Variants in PHC3 observed in about 807,000 individuals in gnomAD.
PHC3 encodes polyhomeotic-like protein 3.
PHC3 carries 13 observed loss-of-function variants against 107.4 expected under a neutral mutation model. The observed-to-expected ratio is 0.12, with a 90% CI of 0.08 to 0.19. The LOEUF (loss-of-function observed/expected upper bound fraction) is 0.19. PHC3 is among the 10% of genes least tolerant of loss of function. The pLI is 1.00. For missense variants in PHC3, 992 were observed against 1,210.9 expected (o/e 0.82, Z 2.68); for synonymous variants, 456 against 427.4 (o/e 1.07, Z -0.83).
intron 4 of PHC3, chr3:170,170,364 C>CA (rs1729402567): frequency 1.3e-5 from 2 of 149,726 alleles, no homozygotes; most frequent in East Asian, 3.9e-4. Context: ...AGAAAGACCA[C>CA]AAGCTGCCGG....
intron 6 of PHC3, among the ~76,000 whole-genome samples, chr3:170,143,198 AATC>A (rs2108549473): frequency 6.6e-6 from 1 of 152,290 alleles, no homozygotes; most frequent in East Asian, 1.9e-4. Flanking sequence ...TAACTAAATA[AATC>A]AATCAATTAA....
intron 4 of PHC3, among the ~76,000 whole-genome samples, chr3:170,163,642 C>T (rs1452035706): frequency 6.6e-6 from 1 of 151,976 alleles, no homozygotes; most frequent in African/African-American, 2.4e-5. Flanking sequence ...GCAGGCTGAT[C>T]ACCTGAGGTC....
intron 1 of PHC3, among the ~76,000 whole-genome samples, chr3:170,179,215 G>A (rs1466890990): frequency 6.6e-6 from 1 of 152,066 alleles, no homozygotes; most frequent in Non-Finnish European, 1.5e-5. Context: ...TTGCATTACC[G>A]AAAGATTTTT....
chr3:170,134,160 T>G (rs527949390), intron 7 of PHC3, among the ~76,000 whole-genome samples: 5 of 151,052 alleles, frequency 3.3e-5, no homozygotes, highest in Non-Finnish European at 5.9e-5. Flanking sequence ...AAAAAAAAAA[T>G]AAGAATTCGT....
intron 8 of PHC3, among the ~76,000 whole-genome samples, chr3:170,126,521 T>C (rs1311361273): frequency 6.1e-5 from 5 of 81,362 alleles, no homozygotes; most frequent in Non-Finnish European, 1.2e-4. Context: ...TATATATATA[T>C]ATATATATTT....
At position 170,102,824 on chromosome 3, in the gene PHC3, G is replaced by A. The variant is rs537716428; in HGVS notation, c.2579C>T (p.Ala860Val). 45 of 1,613,832 alleles carry A rather than the reference G, an allele frequency of 2.8e-5. No homozygotes were observed. Among genetic ancestry groups the A allele is most frequent in the African/African-American group, 2.7e-4 (20 of 75,020 alleles). The change falls in exon 13 of 15, where the codon GCG becomes GTG. Residue 860 changes from alanine (A) to valine (V), a missense_variant. By Grantham distance (64) the Ala-to-Val change is moderately conservative (BLOSUM62 0). Coordinates refer to ENST00000495893, the MANE Select transcript of PHC3 (RefSeq NM_024947.4). ...GACCTGCCTAAGGATATGTTCTCTCGCTGCCCCATCAGGGCCACTTGGACG... is the reference window on the plus strand; with the variant it reads ...GACCTGCCTAAGGATATGTTCTCTCACTGCCCCATCAGGGCCACTTGGACG... ...GRRPSGPDGA[A>V]REHILRQLPI...
intron 9 of PHC3, among the ~76,000 whole-genome samples, chr3:170,120,977 G>A (rs1720173425): frequency 6.6e-6 from 1 of 152,204 alleles, no homozygotes; most frequent in African/African-American, 2.4e-5. Flanking sequence ...AATGGCTGTA[G>A]AGTTTCTATG....
At chr3:170,113,000 GCTAA>G (rs1718137986) in intron 11 of PHC3, among the ~76,000 whole-genome samples, 1 of 152,086 alleles carries the variant, frequency 6.6e-6, no homozygotes. Flanking sequence ...AAAATTTTAA[GCTAA>G]CTCACTAAAA....
Position 170,102,656 on chromosome 3 carries a change from C to T in PHC3, c.2656G>A (p.Val886Met), listed in dbSNP as rs753765362. The T allele has an allele frequency of 2.5e-6, 4 of 1,613,932 alleles. No individual in the cohort carries two copies. The highest frequency in any genetic ancestry group is 2.5e-6 in the Non-Finnish European group (3 of 1,179,862). Reference sequence around the variant, plus strand: ...AGACGAGTTGTCATAGCAGATGGCACAGAATCTTCATGAGAAGCCAAGTCT... The same window carrying T: ...AGACGAGTTGTCATAGCAGATGGCATAGAATCTTCATGAGAAGCCAAGTCT... ...EEDLASHEDS[V>M]PSAMTTRLRR... Residue 886 changes from valine to methionine, a missense_variant, in exon 14 of 15, where the codon GTG becomes ATG. Val to Met is a conservative substitution (Grantham distance 21). Transcript: ENST00000495893.
chr3:170,133,912 T>C (rs1722647831), intron 7 of PHC3, among the ~76,000 whole-genome samples: 1 of 152,186 alleles, frequency 6.6e-6, no homozygotes, highest in Admixed American at 6.5e-5. Context: ...CGGCTTTCTC[T>C]GAAAGTAACG....
chr3:170,176,478 G>C (rs1276007566), intron 2 of PHC3, among the ~76,000 whole-genome samples: 1 of 152,124 alleles, frequency 6.6e-6, no homozygotes, highest in Non-Finnish European at 1.5e-5. Flanking sequence ...TTTCAGGGTG[G>C]ATGCAATTAT....
rs1162992786 is a variant in PHC3, at chr3:170,148,305, A to C, written c.573+781T>G. 3 of 152,016 alleles carry C rather than the reference A, an allele frequency of 2.0e-5. No individual in the cohort carries two copies. In the East Asian group the frequency reaches 5.8e-4, roughly 29 times the overall value. The allele number at this position is 152,016 out of a possible 1,614,324, so 9.4% of individuals were successfully genotyped here. A position where few individuals can be genotyped will look rare whatever the true frequency, so the allele number is the denominator to read the frequency against. The stretch of plus-strand genomic sequence containing the variant: ...ACAACAACAACAACAACAACAACAA[A>C]AACTGGAGATCCAGATATATATTCA... On this transcript the variant is annotated intron_variant, in intron 5 of 14. Coordinates refer to ENST00000495893, the MANE Select transcript of PHC3 (RefSeq NM_024947.4).
rs887423680 is a variant in PHC3 at position 170,092,670 on chromosome 3, A to G, written c.*4560T>C. On this transcript the variant is annotated 3_prime_UTR_variant, in exon 15 of 15. Coordinates refer to ENST00000495893, the MANE Select transcript of PHC3 (RefSeq NM_024947.4). ...AATCTACAGAGGTGATTCAACTGTG[A>G]TATCTGAAAATGGAAACTCTGTAAT... 5 of 152,202 alleles carry G rather than the reference A, an allele frequency of 3.3e-5. No homozygotes were observed. The highest frequency in any genetic ancestry group is 1.2e-4 in the African/African-American group (5 of 41,450). The allele number at this position is 152,202 out of a possible 1,614,324, so 9.4% of individuals were successfully genotyped here.
intron 8 of PHC3, among the ~76,000 whole-genome samples, chr3:170,123,601 C>T (rs1005048856): frequency 2.0e-5 from 3 of 151,786 alleles, no homozygotes; most frequent in African/African-American, 4.8e-5. Flanking sequence ...ACAGCCTGGC[C>T]AACATGGTGA....
chr3:170,115,373 A>G (rs533890616), intron 10 of PHC3, among the ~76,000 whole-genome samples: 1 of 152,268 alleles, frequency 6.6e-6, no homozygotes, highest in East Asian at 1.9e-4. Context: ...TATAACATAT[A>G]TACATTATAT....
chr3:170,151,784 C>G (rs1726027406), intron 4 of PHC3, among the ~76,000 whole-genome samples: 1 of 152,112 alleles, frequency 6.6e-6, no homozygotes, highest in Non-Finnish European at 1.5e-5. Context: ...AAACTCCAGG[C>G]TTACACCAGG....
intron 4 of PHC3, among the ~76,000 whole-genome samples, chr3:170,162,072 T>C (rs12488988): frequency 0.11 from 17,002 of 152,196 alleles, 1,018 homozygotes; most frequent in Middle Eastern, 0.17. Context: ...TTACAGAAAA[T>C]TGGCAGGCAG....
intron 10 of PHC3, among the ~76,000 whole-genome samples, chr3:170,115,064 A>G (rs1263328897): frequency 2.0e-5 from 3 of 152,218 alleles, no homozygotes; most frequent in Non-Finnish European, 2.9e-5. Context: ...AGTCTTATGA[A>G]TATCTATGTA....
At chr3:170,102,298 C>T (rs1715626807) in intron 14 of PHC3, 181 bp downstream of exon 14, 1 of 985,202 alleles carries the variant, frequency 1.0e-6, no homozygotes, top group Admixed American at 6.2e-5. Flanking sequence ...AGAAAATACC[C>T]AGTAGTGCTG....
Sources: allele counts gnomAD v4.1 joint callset (sites outside exome capture counted in the v4.1 genomes callset), GRCh38; gene constraint gnomAD v4.1.1; transcripts MANE v1.5; gene names NCBI Gene and HGNC (gene_info 2026-07-23, HGNC 2026-07-21).